The following LRFN2 variants were observed in gnomAD, a reference collection of about 807,000 sequenced individuals.
The protein encoded by LRFN2 is leucine-rich repeat and fibronectin type-III domain-containing protein 2.
In LRFN2, 18 loss-of-function variants were observed where a neutral mutation model predicts 37.3. The ratio of observed to expected loss-of-function variants is 0.48; its 90% CI spans 0.33 to 0.72. LRFN2 has a LOEUF of 0.72. Among genes scored for constraint, LRFN2 ranks in the 30% least tolerant of loss-of-function variants. The probability of loss-of-function intolerance (pLI) is 0.02; values close to 1 mark genes in which losing one functional copy is unlikely to be tolerated. For synonymous variants in LRFN2, 556 were observed against 466.6 expected, an observed-to-expected ratio of 1.19 and a Z score of -2.47; for missense variants, 1,006 against 1,060.7, an observed-to-expected ratio of 0.95 and a Z score of 0.72.
chr6:40,435,076 GA>G (rs1364001978), intron 1 of LRFN2, among the ~76,000 whole-genome samples: 3 of 134,932 alleles, frequency 2.2e-5, no homozygotes, highest in Admixed American at 7.5e-5. Context: ...GAGAGAGAGA[GA>G]GAGAGAGAGA....
intron 1 of LRFN2, among the ~76,000 whole-genome samples, chr6:40,484,468 C>T (rs1764906538): frequency 6.6e-6 from 1 of 152,216 alleles, no homozygotes; most frequent in Non-Finnish European, 1.5e-5. Flanking sequence ...CCATAATGTG[C>T]ACACAAATCA....
intron 1 of LRFN2, among the ~76,000 whole-genome samples, chr6:40,546,392 G>A (rs924005292): frequency 2.0e-5 from 3 of 152,158 alleles, no homozygotes; most frequent in Non-Finnish European, 2.9e-5. Flanking sequence ...TCAGTGACCT[G>A]CCGATATTGA....
intron 1 of LRFN2, among the ~76,000 whole-genome samples, chr6:40,572,743 T>A (rs1737681): frequency 6.6e-6 from 1 of 151,996 alleles, no homozygotes; most frequent in Non-Finnish European, 1.5e-5. Flanking sequence ...GCCTTTTCTA[T>A]GTTTAATCCC....
chr6:40,470,971 G>T (rs551737963), intron 1 of LRFN2, among the ~76,000 whole-genome samples: 2 of 152,188 alleles, frequency 1.3e-5, no homozygotes, highest in Non-Finnish European at 2.9e-5. Flanking sequence ...GGAGTGGCAG[G>T]GTCACACCCA....
chr6:40,405,729 C>T (rs1224801941), intron 2 of LRFN2, among the ~76,000 whole-genome samples: 1 of 152,168 alleles, frequency 6.6e-6, no homozygotes, highest in African/African-American at 2.4e-5. Flanking sequence ...CCCCCTCCAA[C>T]CCCCCATGAA....
At chr6:40,545,648 G>A (rs1766647889) in intron 1 of LRFN2, among the ~76,000 whole-genome samples, 1 of 152,090 alleles carries the variant, frequency 6.6e-6, no homozygotes. Flanking sequence ...AGAGAGGGGA[G>A]AGGATAATGG....
intron 2 of LRFN2, among the ~76,000 whole-genome samples, chr6:40,423,457 T>C (rs1437946086): frequency 6.6e-6 from 1 of 152,190 alleles, no homozygotes; most frequent in African/African-American, 2.4e-5. Context: ...ATACATGAGC[T>C]CTTTCAGTCC....
chr6:40,566,926 C>G (rs1767101154), intron 1 of LRFN2, among the ~76,000 whole-genome samples: 1 of 151,986 alleles, frequency 6.6e-6, no homozygotes. Context: ...TATATTCAAG[C>G]CAAAACTTGG....
chr6:40,453,442 T>C (rs1698827721), intron 1 of LRFN2, among the ~76,000 whole-genome samples: 1 of 150,182 alleles, frequency 6.7e-6, no homozygotes, highest in Admixed American at 6.7e-5. Context: ...CAACCACCCT[T>C]AGCAATGCCA....
chr6:40,584,272 G>A (rs1767460077), intron 1 of LRFN2, among the ~76,000 whole-genome samples: 1 of 152,142 alleles, frequency 6.6e-6, no homozygotes, highest in Non-Finnish European at 1.5e-5. Flanking sequence ...GGACTGCCAG[G>A]AAAACATCAG....
intron 2 of LRFN2, among the ~76,000 whole-genome samples, chr6:40,415,657 C>T (rs552876803): frequency 2.0e-5 from 3 of 152,198 alleles, no homozygotes; most frequent in East Asian, 1.9e-4. Context: ...GCTACTGAAT[C>T]GGTGAAGACC....
intron 1 of LRFN2, among the ~76,000 whole-genome samples, chr6:40,462,764 A>T (rs1335293898): frequency 1.3e-5 from 2 of 152,184 alleles, no homozygotes; most frequent in Admixed American, 1.3e-4. Flanking sequence ...GAGGTACCCA[A>T]GGTAACAAAG....
Position 40,581,795 on chromosome 6 carries a change from C to G in LRFN2, c.-19+5146G>C, listed in dbSNP as rs751750914. 3.3e-5 allele frequency among the ~76,000 whole-genome samples: 5 copies of G among 152,160 alleles called. 1 individual carries two copies. The South Asian group carries it at 8.3e-4, about 25-fold the overall frequency. On this transcript the variant is annotated intron_variant, in intron 1 of 2. Transcript: ENST00000338305. ...TACTGAGACCCTGGTATGGCTCATT[C>G]CCCAAACTTCTCCAAGTCCTGCAGG...
intron 1 of LRFN2, among the ~76,000 whole-genome samples, chr6:40,543,708 T>A (rs1407414345): frequency 6.6e-6 from 1 of 152,234 alleles, no homozygotes; most frequent in Non-Finnish European, 1.5e-5. Flanking sequence ...CTGCAGGCAC[T>A]GGGGGCTTCC....
At chr6:40,505,741 C>T (rs549738163) in intron 1 of LRFN2, among the ~76,000 whole-genome samples, 1 of 152,140 alleles carries the variant, frequency 6.6e-6, no homozygotes, top group Non-Finnish European at 1.5e-5. Context: ...TGGGACTTTG[C>T]CTCACACAGG....
At chr6:40,492,293 CT>C (rs1440074789) in intron 1 of LRFN2, among the ~76,000 whole-genome samples, 1 of 152,142 alleles carries the variant, frequency 6.6e-6, no homozygotes, top group African/African-American at 2.4e-5. Context: ...GGTGCAGTCC[CT>C]TCCTCTTGCC....
chr6:40,432,414 G>A lies in LRFN2; in HGVS notation c.700C>T (p.Pro234Ser), dbSNP rs752051751. The change falls in exon 2 of 3, where the codon CCC becomes TCC. Residue 234 changes from proline (P) to serine (S), a missense_variant. Coordinates refer to ENST00000338305, the MANE Select transcript of LRFN2 (RefSeq NM_020737.3). ...TTACCCCCAAAACTAAAGGACAAGG[G>A]TGGGGCAAAGGGTGTGGCTGTCAAA... ...SALTATPFAP[P>S]LSFSFGGNPL... The A allele has an allele frequency of 1.9e-6, 3 of 1,614,078 alleles. No individual in the cohort carries two copies. Among genetic ancestry groups the A allele is most frequent in the Non-Finnish European group, 2.5e-6 (3 of 1,180,062 alleles).
At chr6:40,482,374 G>T (rs377731155) in intron 1 of LRFN2, among the ~76,000 whole-genome samples, 1 of 152,174 alleles carries the variant, frequency 6.6e-6, no homozygotes, top group African/African-American at 2.4e-5. Flanking sequence ...AAGATGCTAC[G>T]TTCTGGAGGC....
Position 40,391,887 on chromosome 6 carries a change from G to T in LRFN2, c.*56C>A. 9 of 1,467,166 alleles carry T rather than the reference G, an allele frequency of 6.1e-6. No individual in the cohort carries two copies. Among genetic ancestry groups the T allele is most frequent in the Non-Finnish European group, 7.2e-6 (8 of 1,103,636 alleles). The allele number at this position is 1,467,166 out of a possible 1,614,324, so 90.9% of individuals were successfully genotyped here. A position where few individuals can be genotyped will look rare whatever the true frequency, so the allele number is the denominator to read the frequency against. On this transcript the variant is annotated 3_prime_UTR_variant, in exon 3 of 3. Coordinates refer to ENST00000338305, the MANE Select transcript of LRFN2 (RefSeq NM_020737.3). ...AAACTCCACAAACACTTGCCAGTGA[G>T]ATTCTTTCCCCTTCTCCCACCCTGC...
Sources: allele counts gnomAD v4.1 joint callset (sites outside exome capture counted in the v4.1 genomes callset), GRCh38; gene constraint gnomAD v4.1.1; transcripts MANE v1.5; gene names NCBI Gene and HGNC (gene_info 2026-07-23, HGNC 2026-07-21).